Variants in DOCK10 observed in about 807,000 individuals in gnomAD.
DOCK10 encodes dedicator of cytokinesis protein 10.
In DOCK10, 145 loss-of-function variants were observed where a neutral mutation model predicts 280.1. The ratio of observed to expected loss-of-function variants is 0.52; its 90% CI spans 0.45 to 0.59. DOCK10 has a LOEUF of 0.59. Among genes scored for constraint, DOCK10 ranks in the 20% least tolerant of loss-of-function variants. The probability of loss-of-function intolerance (pLI) is 0.00; values close to 1 mark genes in which losing one functional copy is unlikely to be tolerated. For missense variants in DOCK10, 2,368 were observed against 2,651.7 expected, an observed-to-expected ratio of 0.89 and a Z score of 2.35; for synonymous variants, 915 against 942.2, an observed-to-expected ratio of 0.97 and a Z score of 0.53.
intron 1 of DOCK10, among the ~76,000 whole-genome samples, chr2:224,940,790 G>A (rs1703003368): frequency 6.6e-6 from 1 of 152,178 alleles, no homozygotes; most frequent in African/African-American, 2.4e-5. Context: ...CTCTGTAGGA[G>A]GTGCCTGGTT....
rs534025220 is a variant in DOCK10, at chr2:224,797,238, C to G, written c.4645-92G>C. 21 of 1,006,894 alleles carry G rather than the reference C, an allele frequency of 2.1e-5. No individual in the cohort carries two copies. In the South Asian group the frequency reaches 6.1e-4, roughly 29 times the overall value. 62.4% of individuals were successfully genotyped at this position (1,006,894 alleles called of 1,614,324 possible). ...TTTAAAATTCCCTAAAACAAAATCC[C>G]TCTCCTTTTTTTTTTTAACTTGGTC... On this transcript the variant is annotated intron_variant, in intron 42 of 55. Coordinates refer to ENST00000258390, the MANE Select transcript of DOCK10 (RefSeq NM_014689.3).
chr2:224,948,967 C>T (rs572661229), intron 1 of DOCK10, among the ~76,000 whole-genome samples: 3 of 152,330 alleles, frequency 2.0e-5, no homozygotes, highest in Non-Finnish European at 2.9e-5. Flanking sequence ...CACTTTTCAA[C>T]TTCTGCAATA....
chr2:224,945,077 C>G (rs542722831), intron 1 of DOCK10, among the ~76,000 whole-genome samples: 1 of 152,118 alleles, frequency 6.6e-6, no homozygotes, highest in Non-Finnish European at 1.5e-5. Context: ...TGAGTGGTCT[C>G]GGTAAGATAG....
At chr2:224,831,803 A>G (rs1695258130) in intron 26 of DOCK10, among the ~76,000 whole-genome samples, 1 of 151,988 alleles carries the variant, frequency 6.6e-6, no homozygotes, top group Admixed American at 6.6e-5. Context: ...AGGCATCAAG[A>G]CCTGTCCTCT....
At chr2:225,001,443 C>T (rs1706428591) in intron 1 of DOCK10, among the ~76,000 whole-genome samples, 1 of 152,050 alleles carries the variant, frequency 6.6e-6, no homozygotes, top group Non-Finnish European at 1.5e-5. Flanking sequence ...GTGCCCGCCA[C>T]CATGCCTGGC....
At chr2:224,887,505 G>GT (rs1699381196) in intron 4 of DOCK10, among the ~76,000 whole-genome samples, 1 of 152,026 alleles carries the variant, frequency 6.6e-6, no homozygotes, top group African/African-American at 2.4e-5. Flanking sequence ...CCACAAATAA[G>GT]TTTTCTTTGG....
intron 7 of DOCK10, 49 bp downstream of exon 7, chr2:224,885,621 AC>A (rs1699230711): frequency 6.7e-7 from 1 of 1,501,742 alleles, no homozygotes; most frequent in Admixed American, 2.4e-5. Context: ...TGTTAAATAT[AC>A]TTTTCAAATA....
chr2:224,943,761 CTTTTTTT>C (rs67538456), intron 1 of DOCK10, among the ~76,000 whole-genome samples: 2 of 107,412 alleles, frequency 1.9e-5, no homozygotes, highest in South Asian at 2.9e-4. Context: ...TTTTTCTTTT[CTTTTTTT>C]TTTTTTTTTT....
intron 7 of DOCK10, 106 bp from the exon 8 acceptor site, chr2:224,876,327 T>A (rs1413117326): frequency 4.0e-6 from 4 of 993,376 alleles, no homozygotes; most frequent in Non-Finnish European, 4.3e-6. Flanking sequence ...TCCATACAGA[T>A]AGATAACATA....
At chr2:224,779,587 C>A (rs1691153769) in intron 50 of DOCK10, among the ~76,000 whole-genome samples, 1 of 151,918 alleles carries the variant, frequency 6.6e-6, no homozygotes, top group African/African-American at 2.4e-5. Context: ...AGGAAACTTA[C>A]CCATATTAAA....
intron 50 of DOCK10, among the ~76,000 whole-genome samples, chr2:224,784,162 A>G (rs891167607): frequency 1.3e-5 from 2 of 152,154 alleles, no homozygotes; most frequent in Non-Finnish European, 2.9e-5. Context: ...GTAAAGATTT[A>G]TTCCCTGGTT....
intron 45 of DOCK10, among the ~76,000 whole-genome samples, chr2:224,794,517 A>G (rs568832993): frequency 1.1e-4 from 17 of 152,310 alleles, no homozygotes; most frequent in Non-Finnish European, 2.1e-4. Context: ...AAGCTTCCCC[A>G]TTCAACTCTA....
At chr2:224,811,653 G>A (rs1250036028) in intron 31 of DOCK10, among the ~76,000 whole-genome samples, 3 of 152,034 alleles carry the variant, frequency 2.0e-5, no homozygotes, top group Admixed American at 1.3e-4. Flanking sequence ...ATCTTGAATT[G>A]ATTTTTGTAT....
At chr2:224,950,108 A>G (rs191154473) in intron 1 of DOCK10, among the ~76,000 whole-genome samples, 6 of 152,354 alleles carry the variant, frequency 3.9e-5, no homozygotes, top group Admixed American at 2.6e-4. Context: ...TAATTACAAT[A>G]GTGCTTTAGA....
In DOCK10 at chr2:224,786,144, G is replaced by A. The variant is rs896298463; in HGVS notation, c.5655+878C>T. 2.0e-5 allele frequency among the ~76,000 whole-genome samples: 3 copies of A among 152,232 alleles called. No individual in the cohort carries two copies. The highest frequency in any genetic ancestry group is 7.2e-5 in the African/African-American group (3 of 41,468). Reference sequence around the variant, plus strand: ...CGGGACCCAGGAGGCGGAGGTTGCAGTGAGCCGAGATCACGCCACTGCACT... The same window carrying A: ...CGGGACCCAGGAGGCGGAGGTTGCAATGAGCCGAGATCACGCCACTGCACT... On this transcript the variant is annotated intron_variant, in intron 50 of 55. Transcript: ENST00000258390. This position sits in a 1 kb window ranked among gnomAD's most constrained non-coding sequence, Gnocchi z 4.7.
At chr2:224,840,591 G>T (rs1055111826) in intron 23 of DOCK10, among the ~76,000 whole-genome samples, 2 of 152,142 alleles carry the variant, frequency 1.3e-5, no homozygotes, top group African/African-American at 4.8e-5. Context: ...AATGGCTGTT[G>T]TCAAAAAAGG....
At chr2:224,902,712 T>G (rs1271365909) in intron 3 of DOCK10, among the ~76,000 whole-genome samples, 1 of 151,982 alleles carries the variant, frequency 6.6e-6, no homozygotes, top group East Asian at 1.9e-4. Context: ...CATTTTTTTT[T>G]TTTTGGTCTT....
At chr2:224,913,714 G>A (rs1575047581) in intron 3 of DOCK10, among the ~76,000 whole-genome samples, 1 of 145,630 alleles carries the variant, frequency 6.9e-6, no homozygotes, top group African/African-American at 2.6e-5. Context: ...TTGTTTGTTT[G>A]TCTGTTTATT....
intron 29 of DOCK10, among the ~76,000 whole-genome samples, chr2:224,818,080 G>C (rs72970970): frequency 0.058 from 8,755 of 152,234 alleles, 296 homozygotes; most frequent in South Asian, 0.079. Flanking sequence ...AGCAGTGTTG[G>C]GGGGAGAAAA....
Sources: allele counts gnomAD v4.1 joint callset (sites outside exome capture counted in the v4.1 genomes callset), GRCh38; gene constraint gnomAD v4.1.1; non-coding constraint Gnocchi (gnomAD v3.1); transcripts MANE v1.5; gene names NCBI Gene and HGNC (gene_info 2026-07-23, HGNC 2026-07-21).